NECTIN1: variants seen among roughly 807,000 people sequenced by gnomAD.
The protein encoded by NECTIN1 is nectin-1.
In NECTIN1, 23 loss-of-function variants were observed where a neutral mutation model predicts 48.0. The ratio of observed to expected loss-of-function variants is 0.48; its 90% confidence interval spans 0.34 to 0.68. The LOEUF (loss-of-function observed/expected upper bound fraction) is 0.68. Among genes scored for constraint, NECTIN1 ranks in the 30% least tolerant of loss-of-function variants. The pLI, the probability that NECTIN1 is intolerant of heterozygous loss-of-function variation, is 0.01. For synonymous variants in NECTIN1, 270 were observed against 288.9 expected, an observed-to-expected ratio of 0.93 and a Z score of 0.66; for missense variants, 591 against 709.9, an observed-to-expected ratio of 0.83 and a Z score of 1.90.
At chr11:119,666,704 T>C (rs1007120288) in intron 5 of NECTIN1, among the ~76,000 whole-genome samples, 1 of 152,214 alleles carries the variant, frequency 6.6e-6, no homozygotes, top group Admixed American at 6.5e-5. Flanking sequence ...CCGTATACTG[T>C]TTGCCTGTAT....
chr11:119,659,499 G>C (rs2135538250), downstream of NECTIN1, among the ~76,000 whole-genome samples: 1 of 152,322 alleles, frequency 6.6e-6, no homozygotes, highest in South Asian at 2.1e-4. Flanking sequence ...GTGCTGGAGG[G>C]ATGGAGGCAA....
chr11:119,671,914 G>A (rs1277771854), intron 5 of NECTIN1, among the ~76,000 whole-genome samples: 1 of 152,198 alleles, frequency 6.6e-6, no homozygotes, highest in African/African-American at 2.4e-5. Context: ...GCACAGCCAC[G>A]GGCTCCCACA....
Position 119,677,485 on chromosome 11 carries a change from A to G in NECTIN1, c.733+70T>C. 6.6e-7 allele frequency: 1 copy of G among 1,526,042 alleles called. No individual in the cohort carries two copies. The allele number at this position is 1,526,042 out of a possible 1,614,324, so 94.5% of individuals were successfully genotyped here. On this transcript the variant is annotated intron_variant, in intron 3 of 5. Coordinates refer to ENST00000264025, the MANE Select transcript of NECTIN1 (RefSeq NM_002855.5). This position sits in a 1 kb window ranked among gnomAD's most constrained non-coding sequence, Gnocchi z 5.4. ...CCCCCAGAAAGAGAAAGGGAGGAGA[A>G]AGGAGAGGAGGAGGGAGGAGGGACA...
Position 119,673,298 on chromosome 11 carries a change from G to A in NECTIN1, c.1003+1861C>T, listed in dbSNP as rs1383401431. Among the ~76,000 whole-genome samples the A allele has an allele frequency of 5.9e-5, 9 of 152,144 alleles. No homozygotes were observed. The highest frequency in any genetic ancestry group is 9.7e-5 in the African/African-American group (4 of 41,428). On this transcript the variant is annotated intron_variant, in intron 5 of 5. Transcript: ENST00000264025. The surrounding 1 kb of genome is among the most constrained non-coding windows in gnomAD (Gnocchi z 5.8). ...GAGTCCCTTCCGAGAGAGGCCAGCC[G>A]CTCAGCGCCTGGGCCTATCAATGAT...
In NECTIN1 at chr11:119,664,415, A is replaced by C. The variant is rs1591448422; in HGVS notation, c.*332T>G. 8.9e-7 allele frequency: 1 copy of C among 1,118,202 alleles called. No homozygotes were observed. The allele number at this position is 1,118,202 out of a possible 1,614,324, so 69.3% of individuals were successfully genotyped here. A position where few individuals can be genotyped will look rare whatever the true frequency, so the allele number is the denominator to read the frequency against. ...GGGGCGGGGGAGGCTGGCTCCCCAA[A>C]CCCTGGAGGGATGCCCAGGTACACA... On this transcript the variant is annotated 3_prime_UTR_variant, in exon 6 of 6. Coordinates refer to ENST00000264025, the MANE Select transcript of NECTIN1 (RefSeq NM_002855.5).
intron 5 of NECTIN1, among the ~76,000 whole-genome samples, chr11:119,645,333 C>T (rs1206604069): frequency 6.6e-6 from 1 of 152,130 alleles, no homozygotes; most frequent in Non-Finnish European, 1.5e-5. Flanking sequence ...CTCCTGTGTT[C>T]GGAAGGTCTG....
At chr11:119,715,479 C>G (rs1865729442) in intron 1 of NECTIN1, among the ~76,000 whole-genome samples, 1 of 152,132 alleles carries the variant, frequency 6.6e-6, no homozygotes, top group African/African-American at 2.4e-5. Flanking sequence ...CCTCAGCCTC[C>G]TGAGTAGCTG....
rs1425924516 is a variant in NECTIN1, at chr11:119,683,213, G to A, written c.80-4448C>T. Among the ~76,000 whole-genome samples the A allele has an allele frequency of 6.6e-6, 1 of 152,220 alleles. No individual in the cohort carries two copies. Among genetic ancestry groups the A allele is most frequent in the Non-Finnish European group, 1.5e-5 (1 of 68,044 alleles). On this transcript the variant is annotated intron_variant, in intron 1 of 5. Coordinates refer to ENST00000264025, the MANE Select transcript of NECTIN1 (RefSeq NM_002855.5). The surrounding 1 kb of genome is among the most constrained non-coding windows in gnomAD (Gnocchi z 4.0). ...GGTTCCCTCTTACATGAGAAGCAGAGGCTGGCCCAGATGTGGGAACTGGGA... is the reference window on the plus strand; with the variant it reads ...GGTTCCCTCTTACATGAGAAGCAGAAGCTGGCCCAGATGTGGGAACTGGGA...
At chr11:119,680,491 C>T (rs189208858) in intron 1 of NECTIN1, among the ~76,000 whole-genome samples, 9 of 152,286 alleles carry the variant, frequency 5.9e-5, no homozygotes, top group South Asian at 2.1e-4. Flanking sequence ...ACCTCCTCAG[C>T]GTGACGGGGA....
chr11:119,638,294 G>C (rs1458780971), intron 7 of NECTIN1: 1 of 1,609,874 alleles, frequency 6.2e-7, no homozygotes, highest in Non-Finnish European at 8.5e-7. Context: ...CCATGCCCCT[G>C]CTCCAGGTGG....
chr11:119,705,538 C>A (rs1865532314), intron 1 of NECTIN1, among the ~76,000 whole-genome samples: 1 of 152,234 alleles, frequency 6.6e-6, no homozygotes. Context: ...AGGCAGCAGA[C>A]AGCAGGTGCA....
Position 119,661,972 on chromosome 11 carries a change from A to C in NECTIN1, c.*2775T>G, listed in dbSNP as rs1379498693. 3.0e-6 allele frequency: 3 copies of C among 985,182 alleles called. No homozygotes were observed. Among genetic ancestry groups the C allele is most frequent in the Admixed American group, 6.2e-5 (1 of 16,240 alleles). 61.0% of individuals were successfully genotyped at this position (985,182 alleles called of 1,614,324 possible). A position where few individuals can be genotyped will look rare whatever the true frequency, so the allele number is the denominator to read the frequency against. ...CACCTACTCTGTGCTGCTGCTTTTCAGACCCTTCTGATAAAAGGGGACTCG... is the reference window on the plus strand; with the variant it reads ...CACCTACTCTGTGCTGCTGCTTTTCCGACCCTTCTGATAAAAGGGGACTCG... On this transcript the variant is annotated 3_prime_UTR_variant, in exon 6 of 6. Transcript: ENST00000264025.
chr11:119,712,771 C>G (rs1865676068), intron 1 of NECTIN1: 1 of 152,230 alleles, frequency 6.6e-6, no homozygotes. Flanking sequence ...CCAGCATCCC[C>G]TTTTCTCCTC....
chr11:119,690,463 A>T (rs184996677), intron 1 of NECTIN1, among the ~76,000 whole-genome samples: 1 of 152,188 alleles, frequency 6.6e-6, no homozygotes, highest in Non-Finnish European at 1.5e-5. Flanking sequence ...GGGCCAGAAA[A>T]AAAAGGGGAT....
intron 1 of NECTIN1, among the ~76,000 whole-genome samples, chr11:119,710,775 G>A (rs1287928706): frequency 6.6e-6 from 1 of 152,030 alleles, no homozygotes; most frequent in African/African-American, 2.4e-5. Context: ...TGGGAGAGAA[G>A]ACCCCATACA....
At position 119,704,523 on chromosome 11, in the gene NECTIN1, C is replaced by T. The variant is rs182437914; in HGVS notation, c.79+23952G>A. ...TGAGCCACTGCACGCAGTCCACCCC[C>T]GTGTTTCTTGAAATGGAGAGCCCAG... On this transcript the variant is annotated intron_variant, in intron 1 of 5. Coordinates refer to ENST00000264025, the MANE Select transcript of NECTIN1 (RefSeq NM_002855.5). Among the ~76,000 whole-genome samples, 46 of 152,270 alleles carry T rather than the reference C, an allele frequency of 3.0e-4. No individual in the cohort carries two copies. In the South Asian group the frequency reaches 8.5e-3, roughly 28 times the overall value.
chr11:119,699,281 C>A (rs1389915611), intron 1 of NECTIN1, among the ~76,000 whole-genome samples: 1 of 152,234 alleles, frequency 6.6e-6, no homozygotes, highest in Non-Finnish European at 1.5e-5. Flanking sequence ...TTGACCTGAG[C>A]TGAGGGGACT....
chr11:119,658,652 C>T (rs538890631), downstream of NECTIN1, among the ~76,000 whole-genome samples: 33 of 152,328 alleles, frequency 2.2e-4, no homozygotes, highest in South Asian at 1.5e-3. Context: ...AGGAAGTCTT[C>T]CCCGATGAGC....
chr11:119,717,284 G>A (rs990315169), intron 1 of NECTIN1, among the ~76,000 whole-genome samples: 3 of 152,212 alleles, frequency 2.0e-5, no homozygotes, highest in African/African-American at 7.2e-5. Flanking sequence ...GGGGGCTGTC[G>A]CACACGTTCC....
Sources: allele counts gnomAD v4.1 joint callset (sites outside exome capture counted in the v4.1 genomes callset), GRCh38; gene constraint gnomAD v4.1.1; non-coding constraint Gnocchi (gnomAD v3.1); transcripts MANE v1.5; gene names NCBI Gene and HGNC (gene_info 2026-07-23, HGNC 2026-07-21).